FLYWCH1: variants seen among roughly 807,000 people sequenced by gnomAD.
The protein encoded by FLYWCH1 is FLYWCH-type zinc finger 1.
Under a neutral mutation model 66.4 loss-of-function variants are expected in FLYWCH1, and 75 were observed. That is an observed-to-expected ratio of 1.13 (90% confidence interval 0.94 to 1.37). The LOEUF (loss-of-function observed/expected upper bound fraction) is 1.37, where lower values mean the gene tolerates loss of function less well. Among genes scored for constraint, FLYWCH1 ranks in the 40% most tolerant of loss-of-function variants. FLYWCH1 has a pLI of 0.00. For synonymous variants in FLYWCH1, 595 were observed against 429.9 expected (o/e 1.38, Z -4.75); for missense variants, 1,334 against 1,001.8 (o/e 1.33, Z -4.48).
At chr16:2,943,730 G>A (rs12935845) in intron 9 of FLYWCH1, 42,791 of 151,616 alleles carry the variant, frequency 0.28, 6,193 homozygotes, top group Admixed American at 0.3. Context: ...GAGGTCAGGC[G>A]TTCGAGACCA....
chr16:2,935,972 T>TG (rs2070982481), intron 6 of FLYWCH1: 1 of 162,574 alleles, frequency 6.2e-6, no homozygotes, highest in Admixed American at 5.8e-5. Context: ...TGTAGTGGCG[T>TG]GGTCTTGGCT....
chr16:2,939,545 T>TA (rs977910220), intron 8 of FLYWCH1, among the ~76,000 whole-genome samples: 20 of 142,136 alleles, frequency 1.4e-4, no homozygotes, highest in African/African-American at 3.0e-4. Context: ...ACCCTGTCTC[T>TA]AAAAAAAAAG....
Position 2,921,750 on chromosome 16 carries a change from C to G in FLYWCH1, c.-74+7461C>G, listed in dbSNP as rs558808061. 9.9e-5 allele frequency among the ~76,000 whole-genome samples: 15 copies of G among 151,464 alleles called. 1 individual carries two copies. Among genetic ancestry groups the G allele is most frequent in the African/African-American group, 2.9e-4 (12 of 41,296 alleles). ...GGTTTAGGCTGTAGTGAAATCCTGC[C>G]ACTAAAATAAAAAATAAAAGGTATT... On this transcript the variant is annotated intron_variant, in intron 2 of 9. Coordinates refer to ENST00000253928, the MANE Select transcript of FLYWCH1 (RefSeq NM_001308068.2).
intron 1 of FLYWCH1, among the ~76,000 whole-genome samples, chr16:2,913,572 G>A (rs949781945): frequency 2.6e-5 from 4 of 152,168 alleles, no homozygotes; most frequent in Admixed American, 1.3e-4. Context: ...AGAGACCGGG[G>A]TTGCTGCTGA....
chr16:2,918,848 G>C (rs919052517), intron 2 of FLYWCH1, among the ~76,000 whole-genome samples: 4 of 152,234 alleles, frequency 2.6e-5, no homozygotes, highest in African/African-American at 9.6e-5. Flanking sequence ...TTGAGGGCTA[G>C]AACGTAGTGT....
rs530190280 is a variant in FLYWCH1, at chr16:2,933,363, C to A, written c.1030C>A (p.Gln344Lys). 1.1e-5 allele frequency: 17 copies of A among 1,603,812 alleles called. No homozygotes were observed. In the East Asian group the frequency reaches 2.3e-4, roughly 21 times the overall value. ...DMEGLEARRQ[Q>K]EKAVETLQAG... ...GGAGGGCCTGGAAGCCCGGCGGCAG[C>A]AGGAGAAGGCCGTGGAGACGCTGCA... The change falls in exon 5 of 10, where the codon CAG (glutamine) becomes AAG (lysine). Residue 344 changes from glutamine to lysine, a missense_variant. Physicochemically the swap from Gln to Lys is moderately conservative, Grantham distance 53. Coordinates refer to ENST00000253928, the MANE Select transcript of FLYWCH1 (RefSeq NM_001308068.2).
intron 9 of FLYWCH1, among the ~76,000 whole-genome samples, chr16:2,948,337 T>G (rs1047736546): frequency 4.6e-5 from 7 of 151,878 alleles, no homozygotes; most frequent in Admixed American, 2.0e-4. Flanking sequence ...GGTGGGTGGA[T>G]CACCTGAGGT....
At chr16:2,920,746 G>C (rs747121568) in intron 2 of FLYWCH1, among the ~76,000 whole-genome samples, 5 of 151,060 alleles carry the variant, frequency 3.3e-5, no homozygotes, top group Admixed American at 2.6e-4. Context: ...TCTCCATGTT[G>C]GTCGGGCTGG....
chr16:2,916,076 G>T (rs991662730), intron 2 of FLYWCH1, among the ~76,000 whole-genome samples: 1 of 152,160 alleles, frequency 6.6e-6, no homozygotes, highest in Admixed American at 6.6e-5. Flanking sequence ...GCCAGGTGCC[G>T]TGGCTCACAC....
intron 6 of FLYWCH1, chr16:2,936,649 C>T (rs754020553): frequency 4.8e-5 from 22 of 458,816 alleles, no homozygotes; most frequent in East Asian, 1.4e-4. Flanking sequence ...GGACAGTGGA[C>T]GCTGCTCCCT....
chr16:2,937,035 G>T (rs142463011), intron 6 of FLYWCH1, 86 bp from the exon 7 acceptor site: 17 of 1,225,078 alleles, frequency 1.4e-5, no homozygotes, highest in South Asian at 1.6e-5. Context: ...AGGTGTGGGC[G>T]TTGTGGGAGG....
chr16:2,940,191 C>G (rs1465128374), intron 9 of FLYWCH1, 99 bp downstream of exon 9: 1 of 686,626 alleles, frequency 1.5e-6, no homozygotes, highest in Non-Finnish European at 2.7e-6. Context: ...TGTGGGTCAA[C>G]ATTATGGGAG....
At position 2,930,660 on chromosome 16, in the gene FLYWCH1, C is replaced by T. The variant is rs1485663607; in HGVS notation, c.576C>T (p.Ser192=). 1.3e-6 allele frequency: 2 copies of T among 1,545,990 alleles called. No individual in the cohort carries two copies. Among genetic ancestry groups the T allele is most frequent in the Admixed American group, 2.0e-5 (1 of 50,830 alleles). ...GGCGCCAGAGGGAGAAACTGCCCAG[C>T]CTGGCCCTGCCAGAGGGCTTGGGAG... ...EARRQREKLP[S]LALPEGLGEP... The change falls in exon 4 of 10, where the codon AGC becomes AGT. Residue 192 remains serine, a synonymous_variant. Transcript: ENST00000253928.
chr16:2,939,741 C>A (rs999434856), intron 8 of FLYWCH1: 2 of 321,950 alleles, frequency 6.2e-6, no homozygotes, highest in Admixed American at 9.5e-5. Flanking sequence ...TTGAGAAAGC[C>A]ACTATCGAGC....
chr16:2,940,328 A>G (rs2071209033), intron 9 of FLYWCH1, among the ~76,000 whole-genome samples: 1 of 152,198 alleles, frequency 6.6e-6, no homozygotes, highest in East Asian at 1.9e-4. Context: ...CCTTGGGCCC[A>G]CTTGAGCATC....
intron 4 of FLYWCH1, among the ~76,000 whole-genome samples, chr16:2,931,357 T>G (rs4786353): frequency 0.58 from 85,822 of 148,728 alleles, 25,075 homozygotes; most frequent in Admixed American, 0.64. Flanking sequence ...GGGCACAGTG[T>G]TCATGCCTAT....
chr16:2,916,557 A>C (rs536974434), intron 2 of FLYWCH1, among the ~76,000 whole-genome samples: 12 of 152,190 alleles, frequency 7.9e-5, no homozygotes, highest in African/African-American at 2.9e-4. Context: ...GAATGGCGTG[A>C]ACCCAGGAGA....
intron 4 of FLYWCH1, 76 bp from the exon 5 acceptor site, chr16:2,933,054 C>A: frequency 7.6e-7 from 1 of 1,324,450 alleles, no homozygotes; most frequent in East Asian, 2.4e-5. Flanking sequence ...GTGTCAGCCC[C>A]CACAGTCTGC....
Position 2,938,436 on chromosome 16 carries a change from C to A in FLYWCH1, c.2030C>A (p.Thr677Lys). The A allele has an allele frequency of 6.5e-7, 1 of 1,527,490 alleles. No homozygotes were observed. The highest frequency in any genetic ancestry group is 8.8e-7 in the Non-Finnish European group (1 of 1,138,392). The allele number at this position is 1,527,490 out of a possible 1,614,324, so 94.6% of individuals were successfully genotyped here. ...ALRQRERLPT[T>K]AQQEDPEKIQ... ...AGGCAACGGGAGCGGCTCCCCACCA[C>A]GGCCCAGCAGGAGGACCCAGGTACA... The change falls in exon 8 of 10, where the codon ACG (threonine) becomes AAG (lysine). Residue 677 changes from threonine (T) to lysine (K), a missense_variant. Physicochemically the swap from Thr to Lys is moderately conservative, Grantham distance 78. Transcript: ENST00000253928.
Sources: gnomAD v4.1 joint callset for allele counts (sites outside exome capture counted in the v4.1 genomes callset) on GRCh38, gnomAD v4.1.1 for gene constraint, MANE v1.5 for transcripts, NCBI Gene and HGNC (gene_info 2026-07-23, HGNC 2026-07-21) for gene names.